The following ADAMTS18 variants were observed in gnomAD, a reference collection of about 807,000 sequenced individuals.
ADAMTS18 encodes ADAM metallopeptidase with thrombospondin type 1 motif 18, also known as A disintegrin and metalloproteinase with thrombospondin motifs 18.
ADAMTS18 carries 157 observed loss-of-function variants against 165.9 expected under a neutral mutation model. The observed-to-expected ratio is 0.95, with a 90% CI of 0.83 to 1.08. The LOEUF is 1.08. ADAMTS18 is among the 50% of genes least tolerant of loss of function. The pLI is 0.00. For missense variants in ADAMTS18, 2,040 were observed against 1,534.0 expected, an observed-to-expected ratio of 1.33 and a Z score of -5.51; for synonymous variants, 782 against 578.2, an observed-to-expected ratio of 1.35 and a Z score of -5.06.
intron 10 of ADAMTS18, 97 bp from the exon 11 acceptor site, chr16:77,341,896 C>A (rs2056404328): frequency 1.0e-6 from 1 of 990,740 alleles, no homozygotes; most frequent in African/African-American, 1.6e-5. Context: ...TTTGGGGTAG[C>A]TGAAATCAGA....
At chr16:77,379,791 C>T (rs1451615004) in intron 3 of ADAMTS18, among the ~76,000 whole-genome samples, 3 of 152,110 alleles carry the variant, frequency 2.0e-5, no homozygotes, top group African/African-American at 7.2e-5. Flanking sequence ...GTGTCTGCCC[C>T]TATCTGTTTA....
rs983206664 is a variant in ADAMTS18 at position 77,363,686 on chromosome 16, G to A, written c.1056+116C>T. 9 of 896,574 alleles carry A rather than the reference G, an allele frequency of 1.0e-5. No individual in the cohort carries two copies. In the Admixed American group the frequency reaches 1.7e-4, roughly 17 times the overall value. 55.5% of individuals were successfully genotyped at this position (896,574 alleles called of 1,614,324 possible). A position where few individuals can be genotyped will look rare whatever the true frequency, so the allele number is the denominator to read the frequency against. ...TTGTACTTTGAGGAGAGTCAGCCTA[G>A]TTTCAAATTTGAGCAGCTAACGACT... On this transcript the variant is annotated intron_variant, in intron 6 of 22. Coordinates refer to ENST00000282849, the MANE Select transcript of ADAMTS18 (RefSeq NM_199355.4).
intron 3 of ADAMTS18, among the ~76,000 whole-genome samples, chr16:77,420,063 C>A (rs1487721030): frequency 7.0e-6 from 1 of 143,810 alleles, no homozygotes; most frequent in Non-Finnish European, 1.5e-5. Flanking sequence ...TATCTCAATT[C>A]TCACAACACC....
At chr16:77,396,523 A>C (rs1310310730) in intron 3 of ADAMTS18, among the ~76,000 whole-genome samples, 1 of 152,242 alleles carries the variant, frequency 6.6e-6, no homozygotes, top group Non-Finnish European at 1.5e-5. Flanking sequence ...CACAAGGCTG[A>C]AAAATCATTT....
At chr16:77,307,540 G>C (rs1414289721) in intron 16 of ADAMTS18, among the ~76,000 whole-genome samples, 1 of 152,194 alleles carries the variant, frequency 6.6e-6, no homozygotes, top group Non-Finnish European at 1.5e-5. Flanking sequence ...GGGAGAAATA[G>C]TGTTCTCTAA....
At chr16:77,324,323 C>G (rs2056056292) in intron 13 of ADAMTS18, among the ~76,000 whole-genome samples, 1 of 152,242 alleles carries the variant, frequency 6.6e-6, no homozygotes, top group Non-Finnish European at 1.5e-5. Context: ...GTGCAGCATG[C>G]TTCCTACGAA....
chr16:77,400,385 G>A (rs1224327165), intron 3 of ADAMTS18, among the ~76,000 whole-genome samples: 1 of 151,328 alleles, frequency 6.6e-6, no homozygotes, highest in Non-Finnish European at 1.5e-5. Flanking sequence ...CCTGATTAAT[G>A]GAGGGTAGAA....
chr16:77,294,785 G>C, intron 19 of ADAMTS18, 138 bp downstream of exon 19: 1 of 837,256 alleles, frequency 1.2e-6, no homozygotes, highest in Non-Finnish European at 1.9e-6. Context: ...TAGTTAAAAT[G>C]CAGATTCCCA....
chr16:77,429,660 T>C (rs1188501679), intron 3 of ADAMTS18, among the ~76,000 whole-genome samples: 1 of 152,158 alleles, frequency 6.6e-6, no homozygotes, highest in Non-Finnish European at 1.5e-5. Context: ...TCATGTGAAA[T>C]TTTGATAATA....
At chr16:77,367,410 G>A (rs1231794510) in intron 4 of ADAMTS18, 31 bp downstream of exon 4, 1 of 1,613,366 alleles carries the variant, frequency 6.2e-7, no homozygotes. Flanking sequence ...GCCCACATAA[G>A]AACAGAAAAA....
intron 3 of ADAMTS18, among the ~76,000 whole-genome samples, chr16:77,421,624 T>C (rs919375): frequency 0.17 from 26,255 of 152,176 alleles, 2,787 homozygotes; most frequent in Non-Finnish European, 0.25. Context: ...TCAGTAACTT[T>C]GCATGTTATA....
intron 12 of ADAMTS18, among the ~76,000 whole-genome samples, chr16:77,327,923 G>C (rs2056123359): frequency 6.6e-6 from 1 of 152,170 alleles, no homozygotes; most frequent in Non-Finnish European, 1.5e-5. Context: ...CCAGCTGTCA[G>C]TCATAGAGAT....
intron 3 of ADAMTS18, among the ~76,000 whole-genome samples, chr16:77,384,850 C>T (rs2057083188): frequency 6.6e-6 from 1 of 151,618 alleles, no homozygotes; most frequent in Admixed American, 6.6e-5. Flanking sequence ...CTCAACATTT[C>T]ATATATAGTT....
chr16:77,311,092 T>C (rs889023657), intron 16 of ADAMTS18, among the ~76,000 whole-genome samples: 126 of 150,744 alleles, frequency 8.4e-4, no homozygotes, highest in African/African-American at 3.0e-3. Flanking sequence ...ATGTCATACA[T>C]ATGAAAGGGA....
At chr16:77,382,160 C>A (rs192496401) in intron 3 of ADAMTS18, among the ~76,000 whole-genome samples, 21 of 152,276 alleles carry the variant, frequency 1.4e-4, no homozygotes, top group African/African-American at 4.8e-4. Context: ...ATCTTCCCAG[C>A]CCCTGAGATA....
chr16:77,426,705 T>C (rs2057677215), intron 3 of ADAMTS18, among the ~76,000 whole-genome samples: 1 of 152,200 alleles, frequency 6.6e-6, no homozygotes, highest in South Asian at 2.1e-4. Flanking sequence ...CCTGACACAC[T>C]AGAGGCTAAT....
chr16:77,330,983 T>C (rs2056179509), intron 12 of ADAMTS18, among the ~76,000 whole-genome samples: 1 of 152,170 alleles, frequency 6.6e-6, no homozygotes, highest in East Asian at 1.9e-4. Flanking sequence ...GACAGAACAA[T>C]TAATTCAGTT....
In ADAMTS18 at chr16:77,289,305, C is replaced by T. The variant is rs775981977; in HGVS notation, c.3509G>A (p.Arg1170Gln). 44 of 1,614,004 alleles carry T rather than the reference C, an allele frequency of 2.7e-5. No homozygotes were observed. Among genetic ancestry groups the T allele is most frequent in the East Asian group, 6.7e-5 (3 of 44,890 alleles). ...TGGACAGAAGTTTGTATTACAGGCTCGTAGCACCGGAGGTTTCTGATGGAG... is the reference window on the plus strand; with the variant it reads ...TGGACAGAAGTTTGTATTACAGGCTTGTAGCACCGGAGGTTTCTGATGGAG... ...CLLHQKPPVLRACNTNFCPAP... is the reference protein window; with the variant it reads ...CLLHQKPPVLQACNTNFCPAP... Residue 1170 changes from arginine to glutamine, a missense_variant, in exon 22 of 23, where the codon CGA (arginine) becomes CAA (glutamine). Coordinates refer to ENST00000282849, the MANE Select transcript of ADAMTS18 (RefSeq NM_199355.4).
At chr16:77,301,963 G>T (rs1463792252) in intron 16 of ADAMTS18, among the ~76,000 whole-genome samples, 3 of 145,548 alleles carry the variant, frequency 2.1e-5, no homozygotes, top group Non-Finnish European at 4.5e-5. Flanking sequence ...TGAAATCAAA[G>T]TCTTAGGAGT....
Sources: allele counts gnomAD v4.1 joint callset (sites outside exome capture counted in the v4.1 genomes callset), GRCh38; gene constraint gnomAD v4.1.1; transcripts MANE v1.5; gene names NCBI Gene and HGNC (gene_info 2026-07-23, HGNC 2026-07-21).